The following PDE1A variants were observed in gnomAD, a reference collection of about 807,000 sequenced individuals.
The protein encoded by PDE1A is dual specificity calcium/calmodulin-dependent 3',5'-cyclic nucleotide phosphodiesterase 1A.
A neutral mutation model predicts 61.7 loss-of-function variants in PDE1A; 35 were observed. The ratio of observed to expected loss-of-function variants is 0.57; its 90% CI spans 0.43 to 0.75. The LOEUF (loss-of-function observed/expected upper bound fraction) is 0.75. Ranked by LOEUF, PDE1A falls within the 30% of genes least tolerant of loss-of-function variation. PDE1A has a pLI of 0.00. For missense variants in PDE1A, 597 were observed against 630.6 expected (o/e 0.95, Z 0.57); for synonymous variants, 232 against 213.2 (o/e 1.09, Z -0.77).
intron 1 of PDE1A, among the ~76,000 whole-genome samples, chr2:182,327,356 C>T (rs1697110586): frequency 6.6e-6 from 1 of 152,146 alleles, no homozygotes; most frequent in Non-Finnish European, 1.5e-5. Flanking sequence ...GCAGGAAGAG[C>T]ATTCCAGGCA....
At chr2:182,688,573 C>T in the PDE1A span, among the ~76,000 whole-genome samples, 1 of 152,212 alleles carries the variant, frequency 6.6e-6, no homozygotes, top group Admixed American at 6.5e-5. Flanking sequence ...ACTGCAAAAA[C>T]ATGCCAAATT....
the PDE1A span, among the ~76,000 whole-genome samples, chr2:182,709,944 T>C: frequency 1.3e-5 from 2 of 152,214 alleles, no homozygotes; most frequent in African/African-American, 4.8e-5. Flanking sequence ...GTTGCCAGGC[T>C]GGAGTGCAGT....
At chr2:182,362,137 G>A (rs1027828774) in intron 1 of PDE1A, among the ~76,000 whole-genome samples, 11 of 151,986 alleles carry the variant, frequency 7.2e-5, no homozygotes, top group African/African-American at 2.2e-4. Context: ...TGCTAGTCTG[G>A]TACTTTCTTC....
At chr2:182,586,289 C>T in the PDE1A span, among the ~76,000 whole-genome samples, 1 of 152,138 alleles carries the variant, frequency 6.6e-6, no homozygotes, top group African/African-American at 2.4e-5. Context: ...AAGAAAAGGA[C>T]AATAAATATT....
exon 13 of PDE1A, chr2:182,185,984 G>C: frequency 6.2e-6 from 10 of 1,614,040 alleles, no homozygotes; most frequent in Non-Finnish European, 8.5e-6. Flanking sequence ...TGCTGCAAGG[G>C]AGTAGTCTGG....
intron 1 of PDE1A, among the ~76,000 whole-genome samples, chr2:182,282,040 GTTATT>G (rs1174093890): frequency 2.0e-5 from 3 of 151,898 alleles, no homozygotes; most frequent in African/African-American, 7.2e-5. Flanking sequence ...CCTTAATGAT[GTTATT>G]TTAACAGACA....
At chr2:182,607,403 G>C in the PDE1A span, among the ~76,000 whole-genome samples, 2 of 152,142 alleles carry the variant, frequency 1.3e-5, no homozygotes, top group Admixed American at 1.3e-4. Context: ...AGCACTTTAA[G>C]TACACTTAAA....
At chr2:182,710,720 G>A in the PDE1A span, among the ~76,000 whole-genome samples, 1 of 152,166 alleles carries the variant, frequency 6.6e-6, no homozygotes, top group East Asian at 1.9e-4. Context: ...AATATTCCAT[G>A]GTATATATAC....
chr2:182,250,237 T>G (rs771402615), intron 2 of PDE1A, among the ~76,000 whole-genome samples: 3 of 152,370 alleles, frequency 2.0e-5, no homozygotes, highest in Middle Eastern at 3.4e-3. Flanking sequence ...GAGTTTGATC[T>G]GTCTTGATCT....
chr2:182,264,388 T>C, exon 2 of PDE1A: 1 of 1,613,380 alleles, frequency 6.2e-7, no homozygotes, highest in Non-Finnish European at 8.5e-7. Context: ...ATCACCTCTT[T>C]CCAGCTGCTT....
chr2:182,636,766 G>C, the PDE1A span, among the ~76,000 whole-genome samples: 4 of 152,176 alleles, frequency 2.6e-5, no homozygotes, highest in Non-Finnish European at 4.4e-5. Context: ...ATGAGGCTGC[G>C]CTCCTTACTG....
chr2:182,660,365 G>A, the PDE1A span, among the ~76,000 whole-genome samples: 918 of 152,326 alleles, frequency 6.0e-3, 14 homozygotes, highest in African/African-American at 0.021. Flanking sequence ...TGCAGGATCT[G>A]TGATAATTGG....
chr2:182,497,047 C>A (rs1259927975), intron 2 of PDE1A, among the ~76,000 whole-genome samples: 2 of 151,938 alleles, frequency 1.3e-5, no homozygotes, highest in African/African-American at 4.8e-5. Flanking sequence ...GTTTTCCAGA[C>A]AATTAAAGTG....
At chr2:182,432,082 A>G (rs1317301092) in intron 2 of PDE1A, among the ~76,000 whole-genome samples, 1 of 152,064 alleles carries the variant, frequency 6.6e-6, no homozygotes, top group Non-Finnish European at 1.5e-5. Context: ...CAAAGAACAT[A>G]TATTTAAACC....
chr2:182,408,454 C>T (rs905369497), intron 1 of PDE1A, among the ~76,000 whole-genome samples: 2 of 152,156 alleles, frequency 1.3e-5, no homozygotes, highest in Admixed American at 6.5e-5. Flanking sequence ...ATGAAAAGCA[C>T]CTTCACATAT....
chr2:182,438,607 T>C (rs1284231624), intron 2 of PDE1A, among the ~76,000 whole-genome samples: 1 of 151,778 alleles, frequency 6.6e-6, no homozygotes, highest in Non-Finnish European at 1.5e-5. Context: ...AGAAAGACAA[T>C]GCAGAGAAAG....
chr2:182,410,510 A>G (rs1261072285), intron 1 of PDE1A, among the ~76,000 whole-genome samples: 3 of 152,206 alleles, frequency 2.0e-5, no homozygotes. Flanking sequence ...AGCAATCTAA[A>G]TATTTAATGT....
the PDE1A span, among the ~76,000 whole-genome samples, chr2:182,585,785 G>A: frequency 6.6e-6 from 1 of 152,160 alleles, no homozygotes. Flanking sequence ...TTAGTAATCA[G>A]AATAATAGAT....
chr2:182,635,640 A>G, the PDE1A span, among the ~76,000 whole-genome samples: 1 of 150,388 alleles, frequency 6.6e-6, no homozygotes, highest in African/African-American at 2.5e-5. Context: ...TTTCATTTTA[A>G]TCATTTATGG....
Sources: allele counts gnomAD v4.1 joint callset (sites outside exome capture counted in the v4.1 genomes callset), GRCh38; gene constraint gnomAD v4.1.1; transcripts MANE v1.5; gene names NCBI Gene and HGNC (gene_info 2026-07-23, HGNC 2026-07-21).